The following ZNF534 variants were observed in gnomAD, a reference collection of about 807,000 sequenced individuals.
ZNF534 encodes KRAB domain only 3.
ZNF534 carries 19 observed loss-of-function variants against 13.6 expected under a neutral mutation model. That is an observed-to-expected ratio of 1.40 (90% CI 0.97 to 2.05). The LOEUF (loss-of-function observed/expected upper bound fraction) is 2.05. Among genes scored for constraint, ZNF534 ranks in the 30% most tolerant of loss-of-function variants. The pLI, the probability that ZNF534 is intolerant of heterozygous loss-of-function variation, is 0.00. For synonymous variants in ZNF534, 244 were observed against 273.8 expected (o/e 0.89, Z 1.07); for missense variants, 782 against 796.3 (o/e 0.98, Z 0.22).
At chr19:52,445,660 C>T (rs1235112659), downstream of ZNF534, among the ~76,000 whole-genome samples, 5 of 152,158 alleles carry the variant, frequency 3.3e-5, no homozygotes, top group Admixed American at 2.0e-4. Context: ...CTGGGTCCTG[C>T]GGGAGCAAGA....
Position 52,433,536 on chromosome 19 carries a change from T to G in ZNF534, c.16-419T>G, listed in dbSNP as rs759233543. ...CCCCCACCACCGCGCCTGGCTAATT[T>G]TTTGTATTTTTAGTAGAGATGGGGT... On this transcript the variant is annotated intron_variant, in intron 2 of 4. Coordinates refer to ENST00000433050, the MANE Select transcript of ZNF534 (RefSeq NM_001143938.3). Among the ~76,000 whole-genome samples the G allele has an allele frequency of 2.0e-4, 30 of 152,028 alleles. No homozygotes were observed. In the South Asian group the frequency reaches 2.3e-3, roughly 12 times the overall value.
rs1048895651 is a variant in ZNF534, at chr19:52,431,328, T to C, written c.-67-80T>C. ...AGGACCATCCTTCCAGAAGGTGAAG[T>C]CTTCCCTTTTTGTGTGGCTGTGGCA... On this transcript the variant is annotated intron_variant, in intron 1 of 4. Transcript: ENST00000433050. The C allele has an allele frequency of 7.7e-6, 8 of 1,044,818 alleles. No individual in the cohort carries two copies. The African/African-American group carries it at 1.3e-4, about 17-fold the overall frequency. The allele number at this position is 1,044,818 out of a possible 1,614,324, so 64.7% of individuals were successfully genotyped here.
In ZNF534 at chr19:52,434,054, G is replaced by C; in HGVS notation, c.115G>C (p.Glu39Gln). Residue 39 changes from glutamate (E) to glutamine (Q), a missense_variant, in exon 3 of 5, where the codon GAG becomes CAG. Physicochemically the swap from Glu to Gln is conservative, Grantham distance 29. Coordinates refer to ENST00000433050, the MANE Select transcript of ZNF534 (RefSeq NM_001143938.3). ...QKALYRDVML[E>Q]NYRNLVSLGI... ...AGCTTTATACAGGGACGTGATGTTAGAGAACTACAGGAACCTGGTCTCCCT... is the reference window on the plus strand; with the variant it reads ...AGCTTTATACAGGGACGTGATGTTACAGAACTACAGGAACCTGGTCTCCCT... The C allele has an allele frequency of 6.2e-7, 1 of 1,614,180 alleles. No individual in the cohort carries two copies. Among genetic ancestry groups the C allele is most frequent in the Non-Finnish European group, 8.5e-7 (1 of 1,180,032 alleles).
intron 4 of ZNF534, among the ~76,000 whole-genome samples, chr19:52,435,909 ATT>A (rs1414282419): frequency 2.1e-5 from 3 of 142,530 alleles, no homozygotes; most frequent in Non-Finnish European, 3.0e-5. Flanking sequence ...AGTATTCTTC[ATT>A]GATGTTTTTC....
chr19:52,450,389 G>A (rs2561028), intron 4 of ZNF534, among the ~76,000 whole-genome samples: 142,652 of 152,126 alleles, frequency 0.94, 67,113 homozygotes, highest in Non-Finnish European at 0.96. Flanking sequence ...CTGCATATGG[G>A]GATCCAGTTT....
downstream of ZNF534, among the ~76,000 whole-genome samples, chr19:52,444,478 C>T (rs140558656): frequency 6.6e-6 from 1 of 152,198 alleles, no homozygotes; most frequent in East Asian, 1.9e-4. Context: ...GCTGGTTGGC[C>T]TCCTGCTAGG....
At chr19:52,444,053 T>G (rs1415583104), downstream of ZNF534, among the ~76,000 whole-genome samples, 1 of 152,040 alleles carries the variant, frequency 6.6e-6, no homozygotes, top group Non-Finnish European at 1.5e-5. Flanking sequence ...CTACTGTGAT[T>G]TTTTGGGGGA....
intron 1 of ZNF534, among the ~76,000 whole-genome samples, chr19:52,430,877 G>C (rs1200041598): frequency 6.7e-6 from 1 of 148,904 alleles, no homozygotes; most frequent in Non-Finnish European, 1.5e-5. Flanking sequence ...TTAAGATGGA[G>C]TTTCACCCTG....
intron 2 of ZNF534, among the ~76,000 whole-genome samples, chr19:52,433,380 G>GGC (rs1568441583): frequency 6.6e-6 from 1 of 151,000 alleles, no homozygotes; most frequent in African/African-American, 2.4e-5. Flanking sequence ...TTTTGGGGGG[G>GGC]GGAGGGGACG....
chr19:52,437,584 G>C, intron 4 of ZNF534, 148 bp from the exon 5 acceptor site: 1 of 757,586 alleles, frequency 1.3e-6, no homozygotes, highest in Non-Finnish European at 2.1e-6. Flanking sequence ...ACTCCAGCCT[G>C]GGTGACAATG....
intron 3 of ZNF534, among the ~76,000 whole-genome samples, chr19:52,434,655 T>C (rs966104937): frequency 3.4e-5 from 5 of 145,266 alleles, no homozygotes; most frequent in Non-Finnish European, 7.5e-5. Context: ...CACTTGAACC[T>C]GGGAGGCAGG....
downstream of ZNF534, among the ~76,000 whole-genome samples, chr19:52,443,623 G>A (rs2059184233): frequency 1.3e-5 from 2 of 151,996 alleles, no homozygotes; most frequent in African/African-American, 2.4e-5. Context: ...GGTGGTGAGT[G>A]CCTATAGCCC....
At chr19:52,433,260 A>G (rs993310054) in intron 2 of ZNF534, among the ~76,000 whole-genome samples, 2 of 135,574 alleles carry the variant, frequency 1.5e-5, no homozygotes, top group Non-Finnish European at 3.3e-5. Flanking sequence ...AAAAAAAAAA[A>G]GAAAGAAAGC....
At chr19:52,451,666 G>T in exon 5 of ZNF534, 2 of 658,344 alleles carry the variant, frequency 3.0e-6, no homozygotes. Context: ...TTCAGACAGC[G>T]CTTCCTTCTG....
At chr19:52,451,043 A>G in intron 4 of ZNF534, 1 of 475,444 alleles carries the variant, frequency 2.1e-6, no homozygotes, top group Admixed American at 4.2e-5. Context: ...TTGAAAGAGA[A>G]TGTGTTGAAT....
intron 2 of ZNF534, among the ~76,000 whole-genome samples, chr19:52,432,216 G>A (rs1283961088): frequency 6.6e-6 from 1 of 152,070 alleles, no homozygotes. Flanking sequence ...AATGTATTAT[G>A]GGGATATCGA....
downstream of ZNF534, among the ~76,000 whole-genome samples, chr19:52,445,197 ATTTTT>A (rs3054888): frequency 2.9e-3 from 415 of 143,180 alleles, 2 homozygotes; most frequent in Non-Finnish European, 3.3e-3. Context: ...CACTCAGCTA[ATTTTT>A]TTTTTTTTTT....
chr19:52,450,196 A>AT (rs762976878), intron 4 of ZNF534, among the ~76,000 whole-genome samples: 14 of 152,022 alleles, frequency 9.2e-5, no homozygotes, highest in Non-Finnish European at 1.9e-4. Context: ...CAATTTGTCT[A>AT]TTTTTGCCCT....
intron 1 of ZNF534, among the ~76,000 whole-genome samples, chr19:52,429,708 G>T (rs1038180115): frequency 6.6e-6 from 1 of 150,540 alleles, no homozygotes; most frequent in Non-Finnish European, 1.5e-5. Flanking sequence ...CGATTCTCCC[G>T]CCTGGGCCTC....
Sources: gnomAD v4.1 joint callset for allele counts (sites outside exome capture counted in the v4.1 genomes callset) on GRCh38, gnomAD v4.1.1 for gene constraint, MANE v1.5 for transcripts, NCBI Gene and HGNC (gene_info 2026-07-23, HGNC 2026-07-21) for gene names.